The following PROM2 variants were observed in gnomAD, a reference collection of about 807,000 sequenced individuals.
PROM2 encodes prominin-2.
PROM2 carries 90 observed loss-of-function variants against 110.2 expected under a neutral mutation model. That is an observed-to-expected ratio of 0.82 (90% CI 0.69 to 0.97). The LOEUF (loss-of-function observed/expected upper bound fraction) is 0.97, where lower values mean the gene tolerates loss of function less well. PROM2 is among the 50% of genes least tolerant of loss of function. PROM2 has a pLI of 0.00. For missense variants in PROM2, 1,009 were observed against 1,074.8 expected (o/e 0.94, Z 0.86); for synonymous variants, 470 against 467.8 (o/e 1.00, Z -0.06).
In PROM2 at chr2:95,276,710, C is replaced by G. The variant is rs1471071661; in HGVS notation, c.682+53C>G. On this transcript the variant is annotated intron_variant, in intron 5 of 23. Transcript: ENST00000317620. This position sits in a 1 kb window ranked among gnomAD's most constrained non-coding sequence, Gnocchi z 4.6. ...GCTGGCTCCTTCCAGGGCCCCTGCTCGGGTGCCTCGGTGGGGGCCTCTCAC... is the reference window on the plus strand; with the variant it reads ...GCTGGCTCCTTCCAGGGCCCCTGCTGGGGTGCCTCGGTGGGGGCCTCTCAC... 1 of 1,585,236 alleles carries G rather than the reference C, an allele frequency of 6.3e-7. No individual in the cohort carries two copies. The highest frequency in any genetic ancestry group is 8.6e-7 in the Non-Finnish European group (1 of 1,156,640).
chr2:95,274,863 A>G, intron 1 of PROM2, 34 bp downstream of exon 1: 1 of 1,500,278 alleles, frequency 6.7e-7, no homozygotes, highest in East Asian at 2.4e-5. Flanking sequence ...GGGCCTCAGC[A>G]TTTGGGTCCC....
At chr2:95,287,735 T>C (rs1432180174) in intron 20 of PROM2, among the ~76,000 whole-genome samples, 1 of 152,206 alleles carries the variant, frequency 6.6e-6, no homozygotes, top group Non-Finnish European at 1.5e-5. Context: ...GGTCCTTCCC[T>C]GGGCTGGCCC....
intron 8 of PROM2, 190 bp from the exon 9 acceptor site, chr2:95,278,531 G>A (rs1676816297): frequency 3.0e-6 from 2 of 666,648 alleles, no homozygotes; most frequent in East Asian, 5.5e-5. Flanking sequence ...AGAGGTCCGG[G>A]AGGAGCAACG....
At chr2:95,277,864 C>T in intron 7 of PROM2, 66 bp from the exon 8 acceptor site, 1 of 1,388,798 alleles carries the variant, frequency 7.2e-7, no homozygotes, top group South Asian at 1.2e-5. Context: ...CCCCCTCATC[C>T]ACCCTCAGGG....
intron 14 of PROM2, among the ~76,000 whole-genome samples, chr2:95,282,764 C>G (rs2104121024): frequency 6.6e-6 from 1 of 152,260 alleles, no homozygotes; most frequent in South Asian, 2.1e-4. Flanking sequence ...AGAGACAGTT[C>G]TAGAATGAAG....
chr2:95,288,850 C>T, intron 22 of PROM2, 83 bp from the exon 23 acceptor site: 1 of 1,411,454 alleles, frequency 7.1e-7, no homozygotes, highest in Non-Finnish European at 1.0e-6. Flanking sequence ...AGGAGAAACC[C>T]TCAGGGCTCT....
At chr2:95,284,945 C>A in intron 14 of PROM2, 24 bp from the exon 15 acceptor site, 1 of 1,604,002 alleles carries the variant, frequency 6.2e-7, no homozygotes, top group East Asian at 2.2e-5. Context: ...GGGCATGACT[C>A]CCACCCTGCG....
rs149240402 is a variant in PROM2, at chr2:95,276,262, G to T, written c.533G>T (p.Arg178Leu). Residue 178 changes from arginine (R) to leucine (L), a missense_variant, in exon 4 of 24, where the codon CGC becomes CTC. Arg to Leu is a moderately radical substitution (Grantham distance 102, BLOSUM62 -2). Coordinates refer to ENST00000317620, the MANE Select transcript of PROM2 (RefSeq NM_001165978.3). This position sits in a 1 kb window ranked among gnomAD's most constrained non-coding sequence, Gnocchi z 4.6. ...GTCTGTGCCTTTGTCACCAACCAGC[G>T]CACGCATGAACAGATGGGCCCCAGC... ...GVVCAFVTNQ[R>L]THEQMGPSIE... 3.0e-5 allele frequency: 48 copies of T among 1,613,936 alleles called. No homozygotes were observed. The South Asian group carries it at 5.1e-4, about 17-fold the overall frequency.
chr2:95,281,236 C>T lies in PROM2; in HGVS notation c.1428-6C>T. ...GTCCCTCAGTCCTGCCTCTCGCCTA[C>T]CCCAGAGGTGTGGGCCTCAGCTTCC... On this transcript the variant is annotated splice_polypyrimidine_tract_variant and splice_region_variant and intron_variant, in intron 11 of 23. Transcript: ENST00000317620. The T allele has an allele frequency of 6.2e-7, 1 of 1,611,988 alleles. No homozygotes were observed. The highest frequency in any genetic ancestry group is 1.7e-4 in the Middle Eastern group (1 of 6,056).
intron 12 of PROM2, 31 bp downstream of exon 12, chr2:95,281,396 G>T: frequency 6.2e-7 from 1 of 1,601,716 alleles, no homozygotes. Flanking sequence ...AGGCCCTCCT[G>T]GGGAGAGAGG....
chr2:95,278,819 A>G, intron 9 of PROM2, 35 bp downstream of exon 9: 3 of 1,613,524 alleles, frequency 1.9e-6, no homozygotes, highest in Non-Finnish European at 1.7e-6. Flanking sequence ...GCTGCCAGGC[A>G]TGGCTTCCCA....
intron 22 of PROM2, 109 bp from the exon 23 acceptor site, chr2:95,288,824 C>A: frequency 1.7e-6 from 2 of 1,151,538 alleles, no homozygotes; most frequent in Admixed American, 1.7e-5. Flanking sequence ...CCTTCCCATC[C>A]CCCACAGGGC....
rs1436695025 is a variant in PROM2 at position 95,286,515 on chromosome 2, G to C, written c.1984G>C (p.Ala662Pro). 1.2e-6 allele frequency: 2 copies of C among 1,613,848 alleles called. No homozygotes were observed. The highest frequency in any genetic ancestry group is 1.7e-6 in the Non-Finnish European group (2 of 1,180,012). ...SVLGQRLQEEAQGLRNLHQEK... is the reference protein window; with the variant it reads ...SVLGQRLQEEPQGLRNLHQEK... ...GCTGGGGCAGCGGCTGCAGGAGGAG[G>C]CCCAAGGACTCAGAAACCTTCACCA... Residue 662 changes from alanine to proline, a missense_variant, in exon 17 of 24, where the codon GCC becomes CCC. Coordinates refer to ENST00000317620, the MANE Select transcript of PROM2 (RefSeq NM_001165978.3).
chr2:95,288,086 G>A lies in PROM2; in HGVS notation c.2245-125G>A, dbSNP rs191613385. 397 of 826,430 alleles carry A rather than the reference G, an allele frequency of 4.8e-4. 7 individuals carry two copies. In the South Asian group the frequency reaches 5.8e-3, roughly 12 times the overall value. 51.2% of individuals were successfully genotyped at this position (826,430 alleles called of 1,614,324 possible). ...TCTCTGCATGTGTATACAAGTGTGCGGTGGCCCCAATGGTGTCCCCAGGCC... is the reference window on the plus strand; with the variant it reads ...TCTCTGCATGTGTATACAAGTGTGCAGTGGCCCCAATGGTGTCCCCAGGCC... On this transcript the variant is annotated intron_variant, in intron 20 of 23. Coordinates refer to ENST00000317620, the MANE Select transcript of PROM2 (RefSeq NM_001165978.3).
In PROM2 at chr2:95,276,429, G is replaced by T; in HGVS notation, c.618+82G>T. On this transcript the variant is annotated intron_variant, in intron 4 of 23. Coordinates refer to ENST00000317620, the MANE Select transcript of PROM2 (RefSeq NM_001165978.3). This position sits in a 1 kb window ranked among gnomAD's most constrained non-coding sequence, Gnocchi z 4.6. Reference sequence around the variant, plus strand: ...GACAGAGCCGAGTGGGCCCTCGATGGCCCATAACCAGCGCATCTGAAAGCC... The same window carrying T: ...GACAGAGCCGAGTGGGCCCTCGATGTCCCATAACCAGCGCATCTGAAAGCC... 6.3e-7 allele frequency: 1 copy of T among 1,593,588 alleles called. No homozygotes were observed. Among genetic ancestry groups the T allele is most frequent in the Non-Finnish European group, 8.6e-7 (1 of 1,167,864 alleles).
rs140841023 is a variant in PROM2 at position 95,283,024 on chromosome 2, C to T, written c.1728+798C>T. On this transcript the variant is annotated intron_variant, in intron 14 of 23. Transcript: ENST00000317620. Reference sequence around the variant, plus strand: ...CCAACCAGCCTCGGCCCACGGACAGCACAGCCGGATGGCCCAGCCCCAACT... The same window carrying T: ...CCAACCAGCCTCGGCCCACGGACAGTACAGCCGGATGGCCCAGCCCCAACT... Among the ~76,000 whole-genome samples the T allele has an allele frequency of 1.9e-3, 292 of 152,344 alleles. 1 individual carries two copies. Among genetic ancestry groups the T allele is most frequent in the Middle Eastern group, 6.8e-3 (2 of 294 alleles).
rs1315209366 is a variant in PROM2 at position 95,281,233 on chromosome 2, C to A, written c.1428-9C>A. On this transcript the variant is annotated splice_polypyrimidine_tract_variant and intron_variant, in intron 11 of 23. Coordinates refer to ENST00000317620, the MANE Select transcript of PROM2 (RefSeq NM_001165978.3). ...GCTGTCCCTCAGTCCTGCCTCTCGC[C>A]TACCCCAGAGGTGTGGGCCTCAGCT... 2 of 1,611,732 alleles carry A rather than the reference C, an allele frequency of 1.2e-6. No individual in the cohort carries two copies. Among genetic ancestry groups the A allele is most frequent in the South Asian group, 2.2e-5 (2 of 91,056 alleles).
chr2:95,291,251 GA>G lies in PROM2; in HGVS notation c.*2040del, dbSNP rs1217216839. 4.6e-5 allele frequency: 7 copies of G among 151,994 alleles called. No individual in the cohort carries two copies. Among genetic ancestry groups the G allele is most frequent in the Admixed American group, 1.3e-4 (2 of 15,274 alleles). The allele number at this position is 151,994 out of a possible 1,614,324, so 9.4% of individuals were successfully genotyped here. ...TACTCATCTGTTGACCTACCTGGGG[GA>G]AGTAGCACCCTTGCATTTCAAAAAT... On this transcript the variant is annotated 3_prime_UTR_variant, in exon 24 of 24. Transcript: ENST00000317620.
rs1677518581 is a variant in PROM2, at chr2:95,288,577, G to T, written c.2429G>T (p.Arg810Leu). 1 of 1,613,950 alleles carries T rather than the reference G, an allele frequency of 6.2e-7. No homozygotes were observed. The highest frequency in any genetic ancestry group is 1.1e-5 in the South Asian group (1 of 91,054). ...ACCTCCAAATACTTCCGTCCTATCC[G>T]GAAACGCCTCAGGTGAGGGGCTGCC... Reference protein sequence around the residue: ...VKTSKYFRPIRKRLSSTSSEE... With the variant: ...VKTSKYFRPILKRLSSTSSEE... The change falls in exon 22 of 24, where the codon CGG (arginine) becomes CTG (leucine). Residue 810 changes from arginine (R) to leucine (L), a missense_variant. Physicochemically the swap from Arg to Leu is moderately radical, Grantham distance 102. Coordinates refer to ENST00000317620, the MANE Select transcript of PROM2 (RefSeq NM_001165978.3).
Sources: allele counts gnomAD v4.1 joint callset (sites outside exome capture counted in the v4.1 genomes callset), GRCh38; gene constraint gnomAD v4.1.1; non-coding constraint Gnocchi (gnomAD v3.1); transcripts MANE v1.5; gene names NCBI Gene and HGNC (gene_info 2026-07-23, HGNC 2026-07-21).